The following MYOM1 variants were observed in gnomAD, a reference collection of about 807,000 sequenced individuals.
The protein encoded by MYOM1 is myomesin 1.
Under a neutral mutation model 205.3 loss-of-function variants are expected in MYOM1, and 164 were observed. The ratio of observed to expected loss-of-function variants is 0.80; its 90% CI spans 0.70 to 0.91. MYOM1 has a LOEUF of 0.91. Ranked by LOEUF, MYOM1 falls within the 40% of genes least tolerant of loss-of-function variation. The pLI, the probability that MYOM1 is intolerant of heterozygous loss-of-function variation, is 0.00. For missense variants in MYOM1, 2,011 were observed against 2,127.3 expected (o/e 0.95, Z 1.08); for synonymous variants, 772 against 789.4 (o/e 0.98, Z 0.37).
chr18:3,153,778 A>T (rs2144000771), intron 11 of MYOM1, among the ~76,000 whole-genome samples: 1 of 152,350 alleles, frequency 6.6e-6, no homozygotes, highest in South Asian at 2.1e-4. Flanking sequence ...CATTGTGCTA[A>T]TATGACACAG....
chr18:3,113,088 TA>T (rs74612697), intron 21 of MYOM1, among the ~76,000 whole-genome samples: 40,225 of 151,800 alleles, frequency 0.26, 5,838 homozygotes, highest in East Asian at 0.57. Context: ...GAGAATCCAC[TA>T]CATATGTGCC....
the MYOM1 span, among the ~76,000 whole-genome samples, chr18:3,234,504 G>T: frequency 6.6e-6 from 1 of 152,132 alleles, no homozygotes; most frequent in Non-Finnish European, 1.5e-5. Flanking sequence ...TCCACCTCAG[G>T]AATTATAGGA....
rs890857522 is a variant in MYOM1, at chr18:3,067,346, G to A, written c.4974C>T (p.Asp1658=). ...CTGGGATGAACACGCTGACGGTGAA[G>A]TCGCTGGTCTCCGAGCCATACTTGT... ...VKNKYGSETS[D]FTVSVFIPEE... The change falls in exon 38 of 38, where the codon GAC becomes GAT. Residue 1658 remains aspartate, a synonymous_variant. Transcript: ENST00000356443. The A allele has an allele frequency of 1.9e-6, 3 of 1,612,228 alleles. No individual in the cohort carries two copies. Among genetic ancestry groups the A allele is most frequent in the African/African-American group, 2.7e-5 (2 of 74,878 alleles).
At chr18:3,101,502 A>G (rs112487857) in intron 23 of MYOM1, among the ~76,000 whole-genome samples, 2,227 of 152,308 alleles carry the variant, frequency 0.015, 58 homozygotes, top group African/African-American at 0.049. Flanking sequence ...TAGCTGCCCA[A>G]GGTTATATAG....
At chr18:3,193,738 T>C in intron 3 of MYOM1, 80 bp downstream of exon 3, 1 of 1,392,362 alleles carries the variant, frequency 7.2e-7, no homozygotes, top group Non-Finnish European at 9.7e-7. Flanking sequence ...CCACAACAAT[T>C]ATGACTATAA....
At chr18:3,129,043 C>T (rs1447519586) in intron 18 of MYOM1, among the ~76,000 whole-genome samples, 189 bp downstream of exon 18, 1 of 152,188 alleles carries the variant, frequency 6.6e-6, no homozygotes, top group Admixed American at 6.5e-5. Flanking sequence ...GTGTACAAGC[C>T]AAACCCATAG....
upstream of MYOM1, among the ~76,000 whole-genome samples, chr18:3,220,442 A>C (rs931224516): frequency 4.6e-5 from 7 of 152,194 alleles, no homozygotes; most frequent in Non-Finnish European, 1.0e-4. Flanking sequence ...CACGGTCACT[A>C]TTTCTCTCAC....
At chr18:3,149,078 C>T in intron 13 of MYOM1, 67 bp downstream of exon 13, 1 of 1,367,796 alleles carries the variant, frequency 7.3e-7, no homozygotes, top group African/African-American at 1.4e-5. Flanking sequence ...ACTGCACCCT[C>T]CACAACAAAA....
chr18:3,197,601 C>G (rs530864267), intron 2 of MYOM1, among the ~76,000 whole-genome samples: 1 of 151,924 alleles, frequency 6.6e-6, no homozygotes, highest in Non-Finnish European at 1.5e-5. Context: ...AGGCTGGGCG[C>G]GGTGGCTCAC....
chr18:3,205,466 T>C (rs2081114378), intron 2 of MYOM1, among the ~76,000 whole-genome samples: 1 of 152,082 alleles, frequency 6.6e-6, no homozygotes, highest in African/African-American at 2.4e-5. Context: ...GCAAAAAAGA[T>C]GGTTAACAAA....
At chr18:3,088,457 G>A (rs575746886) in intron 29 of MYOM1, among the ~76,000 whole-genome samples, 11 of 152,084 alleles carry the variant, frequency 7.2e-5, no homozygotes, top group Non-Finnish European at 1.6e-4. Flanking sequence ...ATCACATCTA[G>A]TAGACACTGG....
chr18:3,076,731 T>A (rs1443471178), intron 34 of MYOM1, among the ~76,000 whole-genome samples: 2 of 151,940 alleles, frequency 1.3e-5, no homozygotes, highest in Admixed American at 6.6e-5. Context: ...GCTTTTTTTT[T>A]TTTTTTGAGA....
chr18:3,089,131 T>C, intron 29 of MYOM1, 43 bp downstream of exon 29: 1 of 1,383,274 alleles, frequency 7.2e-7, no homozygotes, highest in East Asian at 2.3e-5. Context: ...CATTCTATTT[T>C]ATTTCCCTTG....
At chr18:3,118,416 G>A (rs2079636631) in intron 20 of MYOM1, among the ~76,000 whole-genome samples, 1 of 152,104 alleles carries the variant, frequency 6.6e-6, no homozygotes. Context: ...TGTGATCACA[G>A]CTCACTGCAG....
At chr18:3,102,721 A>C in intron 22 of MYOM1, 91 bp from the exon 23 acceptor site, 20 of 1,358,786 alleles carry the variant, frequency 1.5e-5, no homozygotes, top group East Asian at 2.3e-5. Flanking sequence ...TTTAACCCTA[A>C]AGTAGGGCCC....
At chr18:3,083,425 TTC>T (rs1272111074) in intron 33 of MYOM1, among the ~76,000 whole-genome samples, 2 of 85,862 alleles carry the variant, frequency 2.3e-5, no homozygotes, top group African/African-American at 8.2e-5. Context: ...CTTTTTCTTT[TTC>T]TTTTTTTTTT....
At position 3,071,876 on chromosome 18, in the gene MYOM1, C is replaced by T. The variant is rs768645052; in HGVS notation, c.4722G>A (p.Val1574=). Residue 1574 remains valine (V), a synonymous_variant, in exon 37 of 38, where the codon GTG becomes GTA. Coordinates refer to ENST00000356443, the MANE Select transcript of MYOM1 (RefSeq NM_003803.4). The part of the protein sequence containing the change: ...AAIAEKNRAR[V]LGGLPDVVTI... ...TGACCACGTCTGGGAGACCTCCCAACACCCGGGCACGATCTGCAAGCATAG... is the reference window on the plus strand; with the variant it reads ...TGACCACGTCTGGGAGACCTCCCAATACCCGGGCACGATCTGCAAGCATAG... The T allele has an allele frequency of 6.2e-6, 10 of 1,605,312 alleles. No individual in the cohort carries two copies. The highest frequency in any genetic ancestry group is 5.6e-5 in the South Asian group (5 of 88,866).
chr18:3,094,372 A>C, intron 25 of MYOM1, 66 bp from the exon 26 acceptor site: 1 of 1,219,004 alleles, frequency 8.2e-7, no homozygotes, highest in Non-Finnish European at 1.1e-6. Flanking sequence ...CTCATTTTCC[A>C]TCAAGTGAAA....
chr18:3,170,726 C>T (rs918917761), intron 8 of MYOM1, among the ~76,000 whole-genome samples: 1 of 152,154 alleles, frequency 6.6e-6, no homozygotes, highest in East Asian at 1.9e-4. Flanking sequence ...TTTGACATAT[C>T]ATCAATCCCT....
Sources: gnomAD v4.1 joint callset for allele counts (sites outside exome capture counted in the v4.1 genomes callset) on GRCh38, gnomAD v4.1.1 for gene constraint, MANE v1.5 for transcripts, NCBI Gene and HGNC (gene_info 2026-07-23, HGNC 2026-07-21) for gene names.